The following FARSB variants were observed in gnomAD, a reference collection of about 807,000 sequenced individuals.
FARSB encodes the protein phenylalanyl-tRNA synthetase subunit beta, also known as phenylalanine--tRNA ligase beta subunit.
In FARSB, 40 loss-of-function variants were observed where a neutral mutation model predicts 69.6. That is an observed-to-expected ratio of 0.57 (90% CI 0.45 to 0.75). FARSB has a LOEUF of 0.75. Ranked by LOEUF, FARSB falls within the 30% of genes least tolerant of loss-of-function variation. The probability of loss-of-function intolerance (pLI) is 0.00; values close to 1 mark genes in which losing one functional copy is unlikely to be tolerated. For missense variants in FARSB, 632 were observed against 722.9 expected (o/e 0.87, Z 1.44); for synonymous variants, 235 against 247.2 (o/e 0.95, Z 0.46).
At chr2:222,641,617 T>C (rs1691721514) in intron 3 of FARSB, among the ~76,000 whole-genome samples, 1 of 152,212 alleles carries the variant, frequency 6.6e-6, no homozygotes, top group African/African-American at 2.4e-5. Flanking sequence ...TCACTTTAAG[T>C]AGAAAACATT....
At chr2:222,617,818 G>C (rs550036202) in intron 14 of FARSB, among the ~76,000 whole-genome samples, 1 of 152,222 alleles carries the variant, frequency 6.6e-6, no homozygotes. Flanking sequence ...AAGAGGCGGA[G>C]GTTGCAGTGA....
At chr2:222,573,227 G>A (rs566454121) in intron 16 of FARSB, among the ~76,000 whole-genome samples, 1 of 152,168 alleles carries the variant, frequency 6.6e-6, no homozygotes, top group Admixed American at 6.5e-5. Flanking sequence ...TATTTCTGGG[G>A]AAAGAGCTGG....
intron 4 of FARSB, 89 bp downstream of exon 4, chr2:222,640,773 G>A: frequency 2.9e-6 from 2 of 688,268 alleles, no homozygotes; most frequent in South Asian, 1.8e-5. Context: ...AAAAAAAAGA[G>A]TAAGCTTTGT....
In FARSB at chr2:222,634,328, C is replaced by T. The variant is rs1433187003; in HGVS notation, c.606+63G>A. ...TGATTACATTTCCCTAGTTGCAAGG[C>T]TTGACTTTGATGGAATTTCATGATT... On this transcript the variant is annotated intron_variant, in intron 6 of 16. Transcript: ENST00000281828. 4.1e-6 allele frequency: 5 copies of T among 1,223,946 alleles called. No homozygotes were observed. In the African/African-American group the frequency reaches 4.6e-5, roughly 11 times the overall value. The allele number at this position is 1,223,946 out of a possible 1,614,324, so 75.8% of individuals were successfully genotyped here.
At chr2:222,601,952 G>A (rs1329395536) in intron 15 of FARSB, among the ~76,000 whole-genome samples, 1 of 152,130 alleles carries the variant, frequency 6.6e-6, no homozygotes, top group East Asian at 1.9e-4. Context: ...GTGAGCCACT[G>A]TGCCCAGCTA....
chr2:222,589,235 C>T (rs2106187959), intron 16 of FARSB, among the ~76,000 whole-genome samples: 1 of 152,254 alleles, frequency 6.6e-6, no homozygotes, highest in South Asian at 2.1e-4. Context: ...TGATCTTTGA[C>T]AAACCTGACA....
chr2:222,625,109 C>T (rs1255360366), intron 10 of FARSB, among the ~76,000 whole-genome samples: 1 of 152,172 alleles, frequency 6.6e-6, no homozygotes, highest in East Asian at 1.9e-4. Context: ...ATAAATCCTG[C>T]TAAAGATTTT....
intron 5 of FARSB, among the ~76,000 whole-genome samples, chr2:222,636,079 CAAAA>C (rs1466735572): frequency 1.2e-5 from 1 of 83,266 alleles, no homozygotes. Flanking sequence ...GACTCTGTCT[CAAAA>C]AAAAAAAAAA....
chr2:222,608,278 T>C (rs1690758615), intron 15 of FARSB, among the ~76,000 whole-genome samples: 1 of 152,212 alleles, frequency 6.6e-6, no homozygotes, highest in African/African-American at 2.4e-5. Context: ...GGACGCTAGA[T>C]AATCCTCCAT....
chr2:222,596,450 C>T (rs1369366365), intron 16 of FARSB, among the ~76,000 whole-genome samples: 2 of 152,094 alleles, frequency 1.3e-5, no homozygotes, highest in Non-Finnish European at 2.9e-5. Context: ...TAAGTGCCGA[C>T]GTAACTGACA....
intron 15 of FARSB, among the ~76,000 whole-genome samples, chr2:222,609,822 T>G (rs1690797345): frequency 6.6e-6 from 1 of 152,206 alleles, no homozygotes; most frequent in South Asian, 2.1e-4. Flanking sequence ...TAGGAGTCTT[T>G]CATCTACTCT....
At position 222,570,555 on chromosome 2, in the gene FARSB, ACT is replaced by A. The variant is rs1689699597; in HGVS notation, c.*1314_*1315del. On this transcript the variant is annotated 3_prime_UTR_variant, in exon 17 of 17. Coordinates refer to ENST00000281828, the MANE Select transcript of FARSB (RefSeq NM_005687.5). ...TTTTTTTTTTTGTAGACAGAATCTCACTCTGTCACCCAGGCTGGAGGGCAGTG... is the reference window on the plus strand; with the variant it reads ...TTTTTTTTTTTGTAGACAGAATCTCACTGTCACCCAGGCTGGAGGGCAGTG... 1 of 150,052 alleles carries A rather than the reference ACT, an allele frequency of 6.7e-6. No individual in the cohort carries two copies. 9.3% of individuals were successfully genotyped at this position (150,052 alleles called of 1,614,324 possible). A position where few individuals can be genotyped will look rare whatever the true frequency, so the allele number is the denominator to read the frequency against.
Position 222,600,178 on chromosome 2 carries a change from A to G in FARSB, c.1463-95T>C. 1.2e-5 allele frequency: 12 copies of G among 997,536 alleles called. No individual in the cohort carries two copies. In the South Asian group the frequency reaches 2.0e-4, roughly 16 times the overall value. The allele number at this position is 997,536 out of a possible 1,614,324, so 61.8% of individuals were successfully genotyped here. On this transcript the variant is annotated intron_variant, in intron 15 of 16. Coordinates refer to ENST00000281828, the MANE Select transcript of FARSB (RefSeq NM_005687.5). Reference sequence around the variant, plus strand: ...CAAACTTAGAAAAAGTCAACAAAAAAGAAAACCAAATATTAAACATTCAGA... The same window carrying G: ...CAAACTTAGAAAAAGTCAACAAAAAGGAAAACCAAATATTAAACATTCAGA...
chr2:222,619,729 T>C lies in FARSB; in HGVS notation c.1260A>G (p.Gln420=), dbSNP rs764942389. 3 of 1,582,902 alleles carry C rather than the reference T, an allele frequency of 1.9e-6. No homozygotes were observed. Among genetic ancestry groups the C allele is most frequent in the Non-Finnish European group, 8.7e-7 (1 of 1,152,570 alleles). Residue 420 remains glutamine (Q), a synonymous_variant, in exon 14 of 17, where the codon CAA becomes CAG. Coordinates refer to ENST00000281828, the MANE Select transcript of FARSB (RefSeq NM_005687.5). Reference sequence around the variant, plus strand: ...CACCTAGTTTATCAGCAATATCTTCTTGGGAGCACTGTGAAGTACACACAA... The same window carrying C: ...CACCTAGTTTATCAGCAATATCTTCCTGGGAGCACTGTGAAGTACACACAA... ...TEALTFALCS[Q]EDIADKLGVD... is the part of the protein sequence containing the mutation.
At chr2:222,647,297 A>G (rs1384954318) in intron 2 of FARSB, among the ~76,000 whole-genome samples, 2 of 152,206 alleles carry the variant, frequency 1.3e-5, no homozygotes, top group Non-Finnish European at 2.9e-5. Context: ...CTCGGAGGTC[A>G]GCCAGGGCTG....
Position 222,571,523 on chromosome 2 carries a change from T to G in FARSB, c.*348A>C, listed in dbSNP as rs1689716613. On this transcript the variant is annotated 3_prime_UTR_variant, in exon 17 of 17. Transcript: ENST00000281828. ...CTTGTTTTATCAATAAGGAAAGAAATGGGATCTTGTTATGCAGGAGTAATC... is the reference window on the plus strand; with the variant it reads ...CTTGTTTTATCAATAAGGAAAGAAAGGGGATCTTGTTATGCAGGAGTAATC... 5.9e-6 allele frequency: 1 copy of G among 170,264 alleles called. No homozygotes were observed. The highest frequency in any genetic ancestry group is 2.4e-5 in the African/African-American group (1 of 42,346). The allele number at this position is 170,264 out of a possible 1,614,324, so 10.5% of individuals were successfully genotyped here.
At chr2:222,624,214 G>A (rs772579514) in intron 12 of FARSB, 58 bp downstream of exon 12, 26 of 1,132,048 alleles carry the variant, frequency 2.3e-5, no homozygotes, top group Non-Finnish European at 3.4e-5. Flanking sequence ...AAGCCTTCCT[G>A]GCATTAAATA....
At chr2:222,628,188 G>C (rs1691324345) in intron 10 of FARSB, among the ~76,000 whole-genome samples, 1 of 152,236 alleles carries the variant, frequency 6.6e-6, no homozygotes, top group African/African-American at 2.4e-5. Context: ...CTTAAAAGGA[G>C]TGAGACTATA....
rs553605710 is a variant in FARSB, at chr2:222,567,239, C to T, written c.*4632G>A. ...ATGAATTTGTGGGGATACATTCAGT[C>T]CATAATAATATACATAAAGTTATTC... On this transcript the variant is annotated 3_prime_UTR_variant, in exon 17 of 17. Transcript: ENST00000281828. 2.6e-5 allele frequency: 4 copies of T among 152,254 alleles called. No individual in the cohort carries two copies. The East Asian group carries it at 7.7e-4, about 29-fold the overall frequency. 9.4% of individuals were successfully genotyped at this position (152,254 alleles called of 1,614,324 possible). A position where few individuals can be genotyped will look rare whatever the true frequency, so the allele number is the denominator to read the frequency against.
Sources: allele counts gnomAD v4.1 joint callset (sites outside exome capture counted in the v4.1 genomes callset), GRCh38; gene constraint gnomAD v4.1.1; transcripts MANE v1.5; gene names NCBI Gene and HGNC (gene_info 2026-07-23, HGNC 2026-07-21).